Variants in RSF1 observed in about 807,000 individuals in gnomAD.
The protein encoded by RSF1 is remodeling and spacing factor 1.
A neutral mutation model predicts 145.2 loss-of-function variants in RSF1; 13 were observed. That is an observed-to-expected ratio of 0.09 (90% CI 0.06 to 0.14). The LOEUF (loss-of-function observed/expected upper bound fraction) is 0.14. Ranked by LOEUF, RSF1 falls within the 10% of genes least tolerant of loss-of-function variation. RSF1 has a pLI of 1.00. For missense variants in RSF1, 1,517 were observed against 1,718.2 expected (o/e 0.88, Z 2.07); for synonymous variants, 577 against 592.6 (o/e 0.97, Z 0.38).
At chr11:77,711,443 C>T (rs1034072693) in intron 5 of RSF1, among the ~76,000 whole-genome samples, 14 of 152,014 alleles carry the variant, frequency 9.2e-5, no homozygotes, top group African/African-American at 4.8e-5. Context: ...CCGAGGCGAG[C>T]GGATCACAAG....
Position 77,758,442 on chromosome 11 carries a change from C to CT in RSF1, c.279+6155dup, listed in dbSNP as rs1250515551. ...GGCATACAAAGATCTGCTTGAGTCC[C>CT]TGCTCTGGAGTAATTATATATGTAG... On this transcript the variant is annotated intron_variant, in intron 2 of 15. Coordinates refer to ENST00000308488, the MANE Select transcript of RSF1 (RefSeq NM_016578.4). Among the ~76,000 whole-genome samples the CT allele has an allele frequency of 6.6e-5, 10 of 152,290 alleles. No homozygotes were observed. In the East Asian group the frequency reaches 1.9e-3, roughly 29 times the overall value.
At chr11:77,743,015 G>A (rs143808339) in intron 3 of RSF1, among the ~76,000 whole-genome samples, 80 of 152,254 alleles carry the variant, frequency 5.3e-4, no homozygotes, top group African/African-American at 1.7e-3. Flanking sequence ...TGCACAGTGT[G>A]TAATCCTGAT....
chr11:77,806,800 G>A (rs1948682249), intron 1 of RSF1, among the ~76,000 whole-genome samples: 1 of 151,798 alleles, frequency 6.6e-6, no homozygotes, highest in Admixed American at 6.6e-5. Context: ...AAGGGAGGAG[G>A]GGGTGAGAAT....
At chr11:77,867,139 C>A in the RSF1 span, among the ~76,000 whole-genome samples, 1 of 152,206 alleles carries the variant, frequency 6.6e-6, no homozygotes, top group Non-Finnish European at 1.5e-5. Context: ...CTGTGCCCGG[C>A]CCCCATGCCT....
chr11:77,690,179 A>G (rs1279415349), intron 9 of RSF1, among the ~76,000 whole-genome samples: 1 of 151,626 alleles, frequency 6.6e-6, no homozygotes, highest in Non-Finnish European at 1.5e-5. Flanking sequence ...AAAAAAAAAA[A>G]ACAAAAAACC....
chr11:77,819,767 G>A (rs561269608), intron 1 of RSF1, among the ~76,000 whole-genome samples: 150 of 152,198 alleles, frequency 9.9e-4, no homozygotes, highest in African/African-American at 3.5e-3. Context: ...CTATTATTTT[G>A]GGGGAGGTGG....
chr11:77,694,858 A>T (rs1383005136), intron 7 of RSF1, among the ~76,000 whole-genome samples: 1 of 152,146 alleles, frequency 6.6e-6, no homozygotes, highest in Non-Finnish European at 1.5e-5. Context: ...GAAGAGTACT[A>T]TATTAGTCAG....
intron 5 of RSF1, among the ~76,000 whole-genome samples, chr11:77,708,030 A>G (rs1044556316): frequency 1.3e-5 from 2 of 152,214 alleles, no homozygotes; most frequent in Middle Eastern, 3.2e-3. Context: ...CAAGTTTTCT[A>G]TAGTGAACAT....
chr11:77,778,805 C>A (rs4945211), intron 1 of RSF1, among the ~76,000 whole-genome samples: 26,940 of 152,184 alleles, frequency 0.18, 2,977 homozygotes, highest in African/African-American at 0.29. Context: ...GATTTATCTT[C>A]TCTCTCTGTC....
the RSF1 span, among the ~76,000 whole-genome samples, chr11:77,866,908 TCAGCTCACTG>T: frequency 6.6e-6 from 1 of 152,150 alleles, no homozygotes; most frequent in Admixed American, 6.5e-5. Context: ...TGGCACAATC[TCAGCTCACTG>T]CAACCTCCAC....
At chr11:77,693,668 G>C in intron 7 of RSF1, 57 bp from the exon 8 acceptor site, 1 of 1,197,988 alleles carries the variant, frequency 8.3e-7, no homozygotes, top group Non-Finnish European at 1.2e-6. Flanking sequence ...TGACTCTTAG[G>C]TTAAAGACGT....
chr11:77,860,819 G>A, the RSF1 span, among the ~76,000 whole-genome samples: 1 of 152,286 alleles, frequency 6.6e-6, no homozygotes, highest in South Asian at 2.1e-4. Context: ...ACTTCCTCTG[G>A]TATTTGGGAA....
chr11:77,663,002 C>T lies in RSF1; in HGVS notation c.*3915G>A, dbSNP rs1959267293. On this transcript the variant is annotated 3_prime_UTR_variant, in exon 16 of 16. Coordinates refer to ENST00000308488, the MANE Select transcript of RSF1 (RefSeq NM_016578.4). ...CATTTTTATTTTTTCTGATACTTAT[C>T]TGAAGTGTGTGCGTGTGCACACACA... 6.8e-6 allele frequency: 1 copy of T among 147,194 alleles called. No individual in the cohort carries two copies. Among genetic ancestry groups the T allele is most frequent in the Non-Finnish European group, 1.5e-5 (1 of 66,286 alleles). The allele number at this position is 147,194 out of a possible 1,614,324, so 9.1% of individuals were successfully genotyped here.
rs1192219203 is a variant in RSF1, at chr11:77,661,350, T to C, written c.*5567A>G. On this transcript the variant is annotated 3_prime_UTR_variant, in exon 16 of 16. Coordinates refer to ENST00000308488, the MANE Select transcript of RSF1 (RefSeq NM_016578.4). ...CCCTAGTTAGGCATCACAAAAATCA[T>C]GTGCTGTAAGAATATGCTGTTAACA... 1 of 151,380 alleles carries C rather than the reference T, an allele frequency of 6.6e-6. No homozygotes were observed. The highest frequency in any genetic ancestry group is 6.7e-5 in the Admixed American group (1 of 15,036). 9.4% of individuals were successfully genotyped at this position (151,380 alleles called of 1,614,324 possible).
chr11:77,838,543 T>C, the RSF1 span, among the ~76,000 whole-genome samples: 1 of 152,092 alleles, frequency 6.6e-6, no homozygotes, highest in Non-Finnish European at 1.5e-5. Context: ...AGCCACTTTT[T>C]TGAAACAAGT....
chr11:77,683,050 C>T (rs1320609027), intron 11 of RSF1, among the ~76,000 whole-genome samples: 3 of 151,508 alleles, frequency 2.0e-5, no homozygotes, highest in East Asian at 3.9e-4. Flanking sequence ...CCCAGCACTT[C>T]GGGAGGCTGA....
intron 11 of RSF1, among the ~76,000 whole-genome samples, chr11:77,680,265 T>A (rs529034618): frequency 6.6e-6 from 1 of 151,288 alleles, no homozygotes; most frequent in East Asian, 2.0e-4. Flanking sequence ...AGACCCTGTA[T>A]CTACAAAAAT....
intron 4 of RSF1, among the ~76,000 whole-genome samples, chr11:77,731,539 C>G (rs367658195): frequency 6.6e-6 from 1 of 152,224 alleles, no homozygotes; most frequent in East Asian, 1.9e-4. Context: ...TGTCTCCAGG[C>G]ATGTCAGAGG....
chr11:77,791,635 G>A (rs183314672), intron 1 of RSF1, among the ~76,000 whole-genome samples: 98 of 152,108 alleles, frequency 6.4e-4, no homozygotes, highest in African/African-American at 2.2e-3. Context: ...AATTTCTTCC[G>A]CCAGATACCC....
Sources: gnomAD v4.1 joint callset for allele counts (sites outside exome capture counted in the v4.1 genomes callset) on GRCh38, gnomAD v4.1.1 for gene constraint, MANE v1.5 for transcripts, NCBI Gene and HGNC (gene_info 2026-07-23, HGNC 2026-07-21) for gene names.